Variants in TRIO observed in about 807,000 individuals in gnomAD.
TRIO encodes triple functional domain protein.
In TRIO, 58 loss-of-function variants were observed where a neutral mutation model predicts 351.9. The observed-to-expected ratio is 0.16, with a 90% CI of 0.13 to 0.21. The LOEUF (loss-of-function observed/expected upper bound fraction) is 0.21. Ranked by LOEUF, TRIO falls within the 10% of genes least tolerant of loss-of-function variation. The probability of loss-of-function intolerance (pLI) is 1.00; values close to 1 mark genes in which losing one functional copy is unlikely to be tolerated. For missense variants in TRIO, 3,201 were observed against 4,027.8 expected (o/e 0.79, Z 5.56); for synonymous variants, 1,758 against 1,595.7 (o/e 1.10, Z -2.42).
In TRIO at chr5:14,154,362, C is replaced by T. The variant is rs1053321707; in HGVS notation, c.157+10480C>T. Among the ~76,000 whole-genome samples, 169 of 152,236 alleles carry T rather than the reference C, an allele frequency of 1.1e-3. 1 individual carries two copies. Among genetic ancestry groups the T allele is most frequent in the African/African-American group, 3.8e-3 (157 of 41,566 alleles). On this transcript the variant is annotated intron_variant, in intron 1 of 56. Transcript: ENST00000344204. ...CCGGGGAGTGAGAGGGGCAGGAGGG[C>T]ACCACGGAGCTGCCTTTTTGGGGTT...
intron 33 of TRIO, among the ~76,000 whole-genome samples, chr5:14,412,471 A>G (rs1310182201): frequency 6.6e-6 from 1 of 152,204 alleles, no homozygotes. Context: ...GTGTATATCT[A>G]TCTAATGATG....
chr5:14,281,431 C>G (rs1029202306), intron 3 of TRIO, among the ~76,000 whole-genome samples: 3 of 125,416 alleles, frequency 2.4e-5, no homozygotes, highest in South Asian at 3.6e-4. Flanking sequence ...AGAACCCCCC[C>G]CCCCCGCCCC....
In TRIO at chr5:14,297,062, C is replaced by A; in HGVS notation, c.1177-10C>A. 6.2e-7 allele frequency: 1 copy of A among 1,603,252 alleles called. No homozygotes were observed. Among genetic ancestry groups the A allele is most frequent in the South Asian group, 1.1e-5 (1 of 90,470 alleles). On this transcript the variant is annotated splice_polypyrimidine_tract_variant and intron_variant, in intron 6 of 56. Coordinates refer to ENST00000344204, the MANE Select transcript of TRIO (RefSeq NM_007118.4). ...CCCTAAGGAGCCCTCTTTTCCTGCC[C>A]ACTTTCCAGAACGTGTATGTAAATA...
At chr5:14,498,491 G>T (rs1234345536) in intron 52 of TRIO, 28 bp from the exon 53 acceptor site, 3 of 1,607,098 alleles carry the variant, frequency 1.9e-6, no homozygotes, top group Non-Finnish European at 2.6e-6. Context: ...CTTTTCTGAT[G>T]CGCAGTGTGT....
chr5:14,248,322 T>A (rs774918521), intron 1 of TRIO, among the ~76,000 whole-genome samples: 3 of 151,648 alleles, frequency 2.0e-5, no homozygotes, highest in Non-Finnish European at 2.9e-5. Flanking sequence ...AACTGAAATC[T>A]TATAGCATAC....
chr5:14,206,354 C>G (rs1281011342), intron 1 of TRIO, among the ~76,000 whole-genome samples: 1 of 152,202 alleles, frequency 6.6e-6, no homozygotes, highest in East Asian at 1.9e-4. Context: ...AGCCACTGCA[C>G]CTGGTCTAAA....
chr5:14,277,307 A>G (rs1735618583), intron 2 of TRIO, among the ~76,000 whole-genome samples: 1 of 152,162 alleles, frequency 6.6e-6, no homozygotes, highest in Admixed American at 6.5e-5. Context: ...AAAGTAAAAC[A>G]CCATCATTAT....
chr5:14,367,312 C>T (rs563550171), intron 16 of TRIO, among the ~76,000 whole-genome samples: 8 of 152,154 alleles, frequency 5.3e-5, no homozygotes, highest in African/African-American at 1.9e-4. Context: ...GGCTCAGAAC[C>T]GAGGAGCCCA....
intron 9 of TRIO, among the ~76,000 whole-genome samples, chr5:14,318,925 C>T (rs1254369148): frequency 6.6e-6 from 1 of 152,140 alleles, no homozygotes; most frequent in African/African-American, 2.4e-5. Flanking sequence ...CCCCTCCTTT[C>T]CCCCCACACC....
At chr5:14,358,524 C>T (rs779087663) in intron 12 of TRIO, among the ~76,000 whole-genome samples, 177 bp downstream of exon 12, 15 of 126,486 alleles carry the variant, frequency 1.2e-4, no homozygotes, top group Non-Finnish European at 2.1e-4. Context: ...TTTCCTTTCC[C>T]CTCCCTTCTC....
chr5:14,501,353 T>C (rs963938554), intron 53 of TRIO, among the ~76,000 whole-genome samples: 1 of 152,230 alleles, frequency 6.6e-6, no homozygotes, highest in Non-Finnish European at 1.5e-5. Flanking sequence ...TTTAAGTGAT[T>C]GACGTGAAAT....
rs994657942 is a variant in TRIO at position 14,296,147 on chromosome 5, T to G, written c.1177-925T>G. 1.3e-4 allele frequency among the ~76,000 whole-genome samples: 19 copies of G among 151,592 alleles called. 1 individual carries two copies. The highest frequency in any genetic ancestry group is 4.1e-4 in the African/African-American group (17 of 41,266). ...GGAAGTGAGAGAAGGGGGAAAAACGTAGGGAAGTTTGGACAGATCAGGAAA... is the reference window on the plus strand; with the variant it reads ...GGAAGTGAGAGAAGGGGGAAAAACGGAGGGAAGTTTGGACAGATCAGGAAA... On this transcript the variant is annotated intron_variant, in intron 6 of 56. Transcript: ENST00000344204.
chr5:14,462,761 C>T lies in TRIO; in HGVS notation c.5503C>T (p.Arg1835Trp), dbSNP rs1033002168. The change falls in exon 36 of 57, where the codon CGG becomes TGG. Residue 1835 changes from arginine (R) to tryptophan (W), a missense_variant. Arg to Trp is a moderately radical substitution (Grantham distance 101). Transcript: ENST00000344204. Reference sequence around the variant, plus strand: ...AATCTTGACTGGATTTCAGAGAGGCCGGAACGAGGGCCTGAGCAGCGGTAC... The same window carrying T: ...AATCTTGACTGGATTTCAGAGAGGCTGGAACGAGGGCCTGAGCAGCGGTAC... ...PQDETVEERGRNEGLSSGTLS... is the reference protein window; with the variant it reads ...PQDETVEERGWNEGLSSGTLS... The T allele has an allele frequency of 1.9e-6, 3 of 1,613,938 alleles. No homozygotes were observed. The highest frequency in any genetic ancestry group is 1.3e-5 in the African/African-American group (1 of 74,916).
chr5:14,199,940 AG>A (rs1409748605), intron 1 of TRIO, among the ~76,000 whole-genome samples: 1 of 152,218 alleles, frequency 6.6e-6, no homozygotes, highest in Non-Finnish European at 1.5e-5. Context: ...GAACATAGAC[AG>A]CATTCTCTAT....
At chr5:14,251,726 C>A (rs756680272) in intron 1 of TRIO, among the ~76,000 whole-genome samples, 1 of 152,112 alleles carries the variant, frequency 6.6e-6, no homozygotes, top group Non-Finnish European at 1.5e-5. Flanking sequence ...GAGGTGGGAA[C>A]AATTGGGGCC....
chr5:14,359,577 G>C, intron 13 of TRIO, 46 bp downstream of exon 13: 1 of 1,600,494 alleles, frequency 6.2e-7, no homozygotes, highest in Non-Finnish European at 8.5e-7. Flanking sequence ...GGAGCCCTTG[G>C]CTTCCTCCAC....
rs551291718 is a variant in TRIO at position 14,176,134 on chromosome 5, C to A, written c.157+32252C>A. Among the ~76,000 whole-genome samples, 3 of 152,226 alleles carry A rather than the reference C, an allele frequency of 2.0e-5. No homozygotes were observed. In the South Asian group the frequency reaches 6.2e-4, roughly 32 times the overall value. ...CCAGCCTGGGCAACAAAGTGAGACCCACCCTGTCTCTGTTAAAAACAAATT... is the reference window on the plus strand; with the variant it reads ...CCAGCCTGGGCAACAAAGTGAGACCAACCCTGTCTCTGTTAAAAACAAATT... On this transcript the variant is annotated intron_variant, in intron 1 of 56. Coordinates refer to ENST00000344204, the MANE Select transcript of TRIO (RefSeq NM_007118.4).
At chr5:14,186,075 G>T (rs978400842) in intron 1 of TRIO, among the ~76,000 whole-genome samples, 1 of 152,212 alleles carries the variant, frequency 6.6e-6, no homozygotes, top group African/African-American at 2.4e-5. Flanking sequence ...CTACTGAGTA[G>T]TATTTAGATG....
intron 36 of TRIO, among the ~76,000 whole-genome samples, chr5:14,464,043 T>C (rs1239289428): frequency 1.3e-5 from 2 of 152,112 alleles, no homozygotes; most frequent in Non-Finnish European, 2.9e-5. Flanking sequence ...CCTGGAGTTT[T>C]GTGTGCATCT....
Sources: gnomAD v4.1 joint callset for allele counts (sites outside exome capture counted in the v4.1 genomes callset) on GRCh38, gnomAD v4.1.1 for gene constraint, MANE v1.5 for transcripts, NCBI Gene and HGNC (gene_info 2026-07-23, HGNC 2026-07-21) for gene names.